The following KCNK10 variants were observed in gnomAD, a reference collection of about 807,000 sequenced individuals.
The protein encoded by KCNK10 is potassium two pore domain channel subfamily K member 10, also known as potassium channel subfamily K member 10.
A neutral mutation model predicts 47.7 loss-of-function variants in KCNK10; 25 were observed. The ratio of observed to expected loss-of-function variants is 0.52; its 90% CI spans 0.38 to 0.73. KCNK10 has a LOEUF of 0.73. Ranked by LOEUF, KCNK10 falls within the 30% of genes least tolerant of loss-of-function variation. The probability of loss-of-function intolerance (pLI) is 0.00; values close to 1 mark genes in which losing one functional copy is unlikely to be tolerated. For synonymous variants in KCNK10, 303 were observed against 285.6 expected, an observed-to-expected ratio of 1.06 and a Z score of -0.61; for missense variants, 563 against 714.5, an observed-to-expected ratio of 0.79 and a Z score of 2.42.
At chr14:88,198,575 T>G (rs1884996141) in intron 4 of KCNK10, among the ~76,000 whole-genome samples, 1 of 152,180 alleles carries the variant, frequency 6.6e-6, no homozygotes, top group Non-Finnish European at 1.5e-5. Context: ...AGGGCACAGT[T>G]CCCTGGCTAA....
In KCNK10 at chr14:88,230,214, T is replaced by C. The variant is rs180980369; in HGVS notation, c.521-2679A>G. 1.3e-3 allele frequency among the ~76,000 whole-genome samples: 197 copies of C among 152,308 alleles called. 1 individual carries two copies. Among genetic ancestry groups the C allele is most frequent in the African/African-American group, 4.6e-3 (193 of 41,564 alleles). On this transcript the variant is annotated intron_variant, in intron 3 of 6. Coordinates refer to ENST00000319231, the MANE Select transcript of KCNK10 (RefSeq NM_138317.3). ...GGGAAGGAATTGTTTCTGAGCAATA[T>C]GTCTCCAGGAAAACTCAGTCCCAGG...
intron 4 of KCNK10, among the ~76,000 whole-genome samples, chr14:88,209,647 T>C (rs1413343788): frequency 1.3e-5 from 2 of 152,200 alleles, no homozygotes; most frequent in Non-Finnish European, 1.5e-5. Context: ...TGGGTTTCTT[T>C]CTCTCTGTCG....
chr14:88,260,112 T>G lies in KCNK10; in HGVS notation c.402+3090A>C, dbSNP rs988413953. 6.6e-6 allele frequency among the ~76,000 whole-genome samples: 1 copy of G among 152,066 alleles called. No homozygotes were observed. The highest frequency in any genetic ancestry group is 2.4e-5 in the African/African-American group (1 of 41,394). On this transcript the variant is annotated intron_variant, in intron 2 of 6. Transcript: ENST00000319231. This position sits in a 1 kb window ranked among gnomAD's most constrained non-coding sequence, Gnocchi z 4.5. ...TGCACACCACCACGCCTGGCTAATTTTTGTATTTTAGGTAGAGATGGGGTT... is the reference window on the plus strand; with the variant it reads ...TGCACACCACCACGCCTGGCTAATTGTTGTATTTTAGGTAGAGATGGGGTT...
intron 6 of KCNK10, among the ~76,000 whole-genome samples, chr14:88,187,636 C>CCCG (rs372780010): frequency 6.7e-6 from 1 of 150,188 alleles, no homozygotes; most frequent in Non-Finnish European, 1.5e-5. Flanking sequence ...CCCCCCCACA[C>CCCG]ACACACTCAG....
chr14:88,202,902 A>G (rs1037622457), intron 4 of KCNK10, among the ~76,000 whole-genome samples: 1 of 152,188 alleles, frequency 6.6e-6, no homozygotes, highest in African/African-American at 2.4e-5. Flanking sequence ...AGCTCTCAAG[A>G]GTCCTGGATC....
At chr14:88,197,353 G>A (rs1211252947) in intron 4 of KCNK10, among the ~76,000 whole-genome samples, 1 of 151,642 alleles carries the variant, frequency 6.6e-6, no homozygotes, top group Admixed American at 6.6e-5. Flanking sequence ...TCTTCAGGAG[G>A]CTGAGGTCAG....
chr14:88,195,593 C>T (rs1884887375), intron 4 of KCNK10, among the ~76,000 whole-genome samples: 1 of 152,096 alleles, frequency 6.6e-6, no homozygotes, highest in Non-Finnish European at 1.5e-5. Flanking sequence ...AAAAAATGTC[C>T]TCATTCTCCT....
intron 4 of KCNK10, among the ~76,000 whole-genome samples, chr14:88,215,563 C>T (rs1021533061): frequency 1.3e-5 from 2 of 152,140 alleles, no homozygotes; most frequent in Non-Finnish European, 2.9e-5. Flanking sequence ...TATATCTAGG[C>T]TTTGGTATCA....
At chr14:88,224,618 T>C (rs754468715) in intron 4 of KCNK10, among the ~76,000 whole-genome samples, 7 of 152,348 alleles carry the variant, frequency 4.6e-5, no homozygotes, top group East Asian at 1.9e-4. Flanking sequence ...TATTTATTGA[T>C]TGATTGATTA....
chr14:88,203,524 C>T (rs931794266), intron 4 of KCNK10, among the ~76,000 whole-genome samples: 1 of 152,216 alleles, frequency 6.6e-6, no homozygotes, highest in African/African-American at 2.4e-5. Context: ...AACAGCCAGA[C>T]TGTAAGCAGA....
chr14:88,250,667 C>T (rs575136386), intron 2 of KCNK10, among the ~76,000 whole-genome samples: 3 of 152,252 alleles, frequency 2.0e-5, no homozygotes, highest in South Asian at 2.1e-4. Context: ...TAGGGAAATA[C>T]GTAAAGCTTC....
At chr14:88,204,814 A>C (rs1885213754) in intron 4 of KCNK10, among the ~76,000 whole-genome samples, 1 of 152,124 alleles carries the variant, frequency 6.6e-6, no homozygotes, top group Non-Finnish European at 1.5e-5. Flanking sequence ...CGCCCCAAAC[A>C]TGCACAGCCT....
intron 3 of KCNK10, among the ~76,000 whole-genome samples, chr14:88,228,788 A>C (rs925837505): frequency 6.6e-6 from 1 of 152,154 alleles, no homozygotes; most frequent in Non-Finnish European, 1.5e-5. Flanking sequence ...CTCTTATAAT[A>C]ATCTAAATTA....
intron 4 of KCNK10, among the ~76,000 whole-genome samples, chr14:88,213,955 T>TTATTATTATTATTATTATTATTAC (rs1555360668): frequency 5.5e-5 from 8 of 144,358 alleles, no homozygotes; most frequent in African/African-American, 8.1e-5. Context: ...ATTATTATTA[T>TTATTATTATTATTATTATTATTAC]TGAGACAGAG....
rs117386292 is a variant in KCNK10 at position 88,229,521 on chromosome 14, G to C, written c.521-1986C>G. Among the ~76,000 whole-genome samples, 328 of 152,122 alleles carry C rather than the reference G, an allele frequency of 2.2e-3. 1 individual carries two copies. The highest frequency in any genetic ancestry group is 3.4e-3 in the Non-Finnish European group (231 of 68,012). ...TCACAATTGGTTCCTTATTTGTTCAGTGTTTTGTTGACTAGAACACAAAAA... is the reference window on the plus strand; with the variant it reads ...TCACAATTGGTTCCTTATTTGTTCACTGTTTTGTTGACTAGAACACAAAAA... On this transcript the variant is annotated intron_variant, in intron 3 of 6. Coordinates refer to ENST00000319231, the MANE Select transcript of KCNK10 (RefSeq NM_138317.3).
Position 88,216,605 on chromosome 14 carries a change from G to A in KCNK10, c.681+10770C>T, listed in dbSNP as rs192967392. ...GGGAGGAAAGAAGGAGCCGTCCATG[G>A]AAAAACTGTCATGGACTGTCATTAA... On this transcript the variant is annotated intron_variant, in intron 4 of 6. Transcript: ENST00000319231. Among the ~76,000 whole-genome samples, 163 of 152,278 alleles carry A rather than the reference G, an allele frequency of 1.1e-3. 1 individual carries two copies. In the East Asian group the frequency reaches 0.027, roughly 25 times the overall value.
intron 4 of KCNK10, among the ~76,000 whole-genome samples, chr14:88,224,230 A>G (rs1885914085): frequency 6.6e-6 from 1 of 152,202 alleles, no homozygotes; most frequent in South Asian, 2.1e-4. Flanking sequence ...GTCATATGTT[A>G]CACAGCAATA....
At chr14:88,223,536 T>G (rs1285487662) in intron 4 of KCNK10, among the ~76,000 whole-genome samples, 1 of 152,134 alleles carries the variant, frequency 6.6e-6, no homozygotes, top group Non-Finnish European at 1.5e-5. Flanking sequence ...ACTGAGCCCT[T>G]TCTGCTCTCT....
chr14:88,256,826 CAA>C (rs1003263303), intron 2 of KCNK10, among the ~76,000 whole-genome samples: 2 of 152,080 alleles, frequency 1.3e-5, no homozygotes, highest in Non-Finnish European at 2.9e-5. Flanking sequence ...GCAGCAATAA[CAA>C]GAGCTCAAAG....
Sources: gnomAD v4.1 joint callset for allele counts (sites outside exome capture counted in the v4.1 genomes callset) on GRCh38, gnomAD v4.1.1 for gene constraint, Gnocchi (gnomAD v3.1) non-coding constraint, MANE v1.5 for transcripts, NCBI Gene and HGNC (gene_info 2026-07-23, HGNC 2026-07-21) for gene names.